LGSN: variants seen among roughly 807,000 people sequenced by gnomAD.
LGSN encodes the protein lengsin.
A neutral mutation model predicts 19.5 loss-of-function variants in LGSN; 21 were observed. The observed-to-expected ratio is 1.07, with a 90% CI of 0.76 to 1.55. The LOEUF (loss-of-function observed/expected upper bound fraction) is 1.55, where lower values mean the gene tolerates loss of function less well. Among genes scored for constraint, LGSN ranks in the 40% most tolerant of loss-of-function variants. LGSN has a pLI of 0.00. For synonymous variants in LGSN, 257 were observed against 215.6 expected, an observed-to-expected ratio of 1.19 and a Z score of -1.68; for missense variants, 673 against 608.5, an observed-to-expected ratio of 1.11 and a Z score of -1.12.
chr6:63,518,537 G>A, the LGSN span, among the ~76,000 whole-genome samples: 1 of 152,172 alleles, frequency 6.6e-6, no homozygotes, highest in Non-Finnish European at 1.5e-5. Flanking sequence ...CTGAAAAAGA[G>A]GGTGGGGGCA....
At chr6:63,449,287 C>A in the LGSN span, among the ~76,000 whole-genome samples, 1 of 152,056 alleles carries the variant, frequency 6.6e-6, no homozygotes, top group African/African-American at 2.4e-5. Flanking sequence ...AGGCTGGGCG[C>A]GGTGGCTCCT....
At chr6:63,502,232 C>T in the LGSN span, among the ~76,000 whole-genome samples, 47 of 152,308 alleles carry the variant, frequency 3.1e-4, no homozygotes, top group East Asian at 4.2e-3. Context: ...ACCTTTTCTC[C>T]TTAGATTGAG....
the LGSN span, among the ~76,000 whole-genome samples, chr6:63,363,081 C>G: frequency 6.6e-6 from 1 of 152,342 alleles, no homozygotes; most frequent in African/African-American, 2.4e-5. Context: ...CCCAGGCAAA[C>G]AGGGTCTGGA....
the LGSN span, among the ~76,000 whole-genome samples, chr6:63,522,615 C>T: frequency 1.3e-5 from 2 of 152,132 alleles, no homozygotes; most frequent in Non-Finnish European, 2.9e-5. Flanking sequence ...GTTAAAAGAA[C>T]ACAATAGTGT....
chr6:63,556,302 G>T, the LGSN span, among the ~76,000 whole-genome samples: 1 of 151,900 alleles, frequency 6.6e-6, no homozygotes, highest in South Asian at 2.1e-4. Context: ...AGGAATACAG[G>T]TGTATAACAT....
chr6:63,410,603 G>C, the LGSN span, among the ~76,000 whole-genome samples: 1 of 152,112 alleles, frequency 6.6e-6, no homozygotes, highest in African/African-American at 2.4e-5. Flanking sequence ...TTATGTGCTA[G>C]GTGCAATTCT....
chr6:63,521,269 A>G, the LGSN span, among the ~76,000 whole-genome samples: 1 of 152,234 alleles, frequency 6.6e-6, no homozygotes, highest in Non-Finnish European at 1.5e-5. Context: ...AAAGAAAAAA[A>G]CGGCAAATAA....
chr6:63,379,258 G>A, the LGSN span, among the ~76,000 whole-genome samples: 2 of 152,072 alleles, frequency 1.3e-5, no homozygotes, highest in Non-Finnish European at 2.9e-5. Flanking sequence ...GTCAGGCACT[G>A]ATATGTTTTA....
At chr6:63,543,871 C>T in the LGSN span, among the ~76,000 whole-genome samples, 1 of 152,212 alleles carries the variant, frequency 6.6e-6, no homozygotes, top group East Asian at 1.9e-4. Flanking sequence ...TTTCATTTTA[C>T]TCTTCGTGTT....
chr6:63,354,682 G>A, the LGSN span, among the ~76,000 whole-genome samples: 10 of 152,148 alleles, frequency 6.6e-5, no homozygotes, highest in East Asian at 3.9e-4. Context: ...AGACATCTGC[G>A]CTCACATATT....
At chr6:63,390,032 T>C in the LGSN span, among the ~76,000 whole-genome samples, 1 of 149,748 alleles carries the variant, frequency 6.7e-6, no homozygotes, top group Non-Finnish European at 1.5e-5. Flanking sequence ...ATGTAGAAAA[T>C]GAAGAGAAAA....
At chr6:63,536,869 G>C in the LGSN span, among the ~76,000 whole-genome samples, 1 of 151,768 alleles carries the variant, frequency 6.6e-6, no homozygotes, top group Admixed American at 6.6e-5. Context: ...GTAACATAAG[G>C]GTCCCCCTAA....
At chr6:63,330,556 C>T in the LGSN span, among the ~76,000 whole-genome samples, 1 of 152,204 alleles carries the variant, frequency 6.6e-6, no homozygotes, top group Non-Finnish European at 1.5e-5. Flanking sequence ...TAAGGCCTCT[C>T]ATAGCCACTT....
the LGSN span, among the ~76,000 whole-genome samples, chr6:63,507,138 T>A: frequency 6.6e-6 from 1 of 152,214 alleles, no homozygotes; most frequent in Non-Finnish European, 1.5e-5. Flanking sequence ...ATTGCCTGCC[T>A]GGAGAGAGGA....
At chr6:63,419,170 T>C in the LGSN span, among the ~76,000 whole-genome samples, 1 of 152,124 alleles carries the variant, frequency 6.6e-6, no homozygotes, top group Non-Finnish European at 1.5e-5. Context: ...AGTCCTGAGG[T>C]TCCTAGCCAG....
At chr6:63,364,402 T>C in the LGSN span, among the ~76,000 whole-genome samples, 2 of 152,166 alleles carry the variant, frequency 1.3e-5, no homozygotes, top group Non-Finnish European at 2.9e-5. Context: ...TAAATATATA[T>C]GCGCCCAATA....
At chr6:63,572,790 T>C in the LGSN span, 1 of 397,838 alleles carries the variant, frequency 2.5e-6, no homozygotes, top group Non-Finnish European at 4.4e-6. Flanking sequence ...CGCTGTCGCC[T>C]TTGTTCGGAG....
chr6:63,504,456 G>T, the LGSN span, among the ~76,000 whole-genome samples: 1 of 152,132 alleles, frequency 6.6e-6, no homozygotes, highest in African/African-American at 2.4e-5. Flanking sequence ...TAGCCAGGCT[G>T]GTCTCGAACT....
At chr6:63,351,872 TGTATA>T in the LGSN span, among the ~76,000 whole-genome samples, 1 of 152,208 alleles carries the variant, frequency 6.6e-6, no homozygotes, top group Admixed American at 6.5e-5. Context: ...TGACATATAC[TGTATA>T]GTCTTTTTAA....
Sources: allele counts gnomAD v4.1 joint callset (sites outside exome capture counted in the v4.1 genomes callset), GRCh38; gene constraint gnomAD v4.1.1; transcripts MANE v1.5; gene names NCBI Gene and HGNC (gene_info 2026-07-23, HGNC 2026-07-21).